The following MDN1 variants were observed in gnomAD, a reference collection of about 807,000 sequenced individuals.
The protein encoded by MDN1 is midasin AAA ATPase 1, also known as midasin.
In MDN1, 266 loss-of-function variants were observed where a neutral mutation model predicts 669.2. The ratio of observed to expected loss-of-function variants is 0.40; its 90% CI spans 0.36 to 0.44. The LOEUF (loss-of-function observed/expected upper bound fraction) is 0.44, where lower values mean the gene tolerates loss of function less well. MDN1 is among the 20% of genes least tolerant of loss of function. The pLI is 1.00. For missense variants in MDN1, 5,940 were observed against 6,754.0 expected, an observed-to-expected ratio of 0.88 and a Z score of 4.22; for synonymous variants, 2,385 against 2,457.1, an observed-to-expected ratio of 0.97 and a Z score of 0.87.
intron 33 of MDN1, among the ~76,000 whole-genome samples, chr6:89,736,796 A>AC (rs1816001990): frequency 6.6e-6 from 1 of 151,984 alleles, no homozygotes; most frequent in Non-Finnish European, 1.5e-5. Flanking sequence ...TCTCCCCACA[A>AC]CCCCCCAGAA....
intron 50 of MDN1, among the ~76,000 whole-genome samples, chr6:89,710,154 G>A (rs546182069): frequency 3.3e-5 from 5 of 152,140 alleles, no homozygotes; most frequent in Admixed American, 6.5e-5. Flanking sequence ...TCCTACTAAC[G>A]ATACTGGTAG....
intron 100 of MDN1, among the ~76,000 whole-genome samples, chr6:89,645,488 A>T (rs182562369): frequency 6.6e-6 from 1 of 152,336 alleles, no homozygotes; most frequent in African/African-American, 2.4e-5. Context: ...GAATTAAAAC[A>T]CTAGTTTATG....
At chr6:89,812,285 AG>A (rs1461868729) in intron 1 of MDN1, among the ~76,000 whole-genome samples, 2 of 151,974 alleles carry the variant, frequency 1.3e-5, no homozygotes, top group Non-Finnish European at 2.9e-5. Context: ...CGCCCAGCCA[AG>A]AAAAAACATT....
rs565832807 is a variant in MDN1 at position 89,662,359 on chromosome 6, T to C, written c.14413-120A>G. 23 of 994,024 alleles carry C rather than the reference T, an allele frequency of 2.3e-5. No individual in the cohort carries two copies. In the East Asian group the frequency reaches 2.6e-4, roughly 11 times the overall value. The allele number at this position is 994,024 out of a possible 1,614,324, so 61.6% of individuals were successfully genotyped here. On this transcript the variant is annotated intron_variant, in intron 86 of 101. Coordinates refer to ENST00000369393, the MANE Select transcript of MDN1 (RefSeq NM_014611.3). ...TTGGACCTATCCCATGGATGGCTGA[T>C]AAAGTGCCATCCGTGACCTAGAGAA...
At chr6:89,729,467 T>G (rs1343866732) in intron 35 of MDN1, among the ~76,000 whole-genome samples, 2 of 152,152 alleles carry the variant, frequency 1.3e-5, no homozygotes, top group Non-Finnish European at 2.9e-5. Context: ...CAATTTACCT[T>G]CATAGTTACT....
Position 89,718,957 on chromosome 6 carries a change from T to G in MDN1, c.6131A>C (p.Gln2044Pro). Residue 2044 changes from glutamine (Q) to proline (P), a missense_variant, in exon 42 of 102, where the codon CAG (glutamine) becomes CCG (proline). Physicochemically the swap from Gln to Pro is moderately conservative, Grantham distance 76. Coordinates refer to ENST00000369393, the MANE Select transcript of MDN1 (RefSeq NM_014611.3). ...PSRHPLLLLHQSFQPLESIMK... is the reference protein window; with the variant it reads ...PSRHPLLLLHPSFQPLESIMK... ...GATTGACTCCAGGGGTTGGAATGACTGGTGCAGGAGCAACAGGGGATGGCG... is the reference window on the plus strand; with the variant it reads ...GATTGACTCCAGGGGTTGGAATGACGGGTGCAGGAGCAACAGGGGATGGCG... 4 of 1,614,140 alleles carry G rather than the reference T, an allele frequency of 2.5e-6. No homozygotes were observed. Among genetic ancestry groups the G allele is most frequent in the Non-Finnish European group, 3.4e-6 (4 of 1,180,008 alleles).
intron 50 of MDN1, among the ~76,000 whole-genome samples, chr6:89,709,664 A>C (rs1813750743): frequency 6.6e-6 from 1 of 152,248 alleles, no homozygotes; most frequent in Admixed American, 6.5e-5. Context: ...CCAAATGGCC[A>C]GTGGTATATT....
At chr6:89,735,567 T>A (rs1815917523) in intron 33 of MDN1, among the ~76,000 whole-genome samples, 2 of 152,048 alleles carry the variant, frequency 1.3e-5, no homozygotes. Flanking sequence ...GGTCATACTG[T>A]GAATATATGG....
At chr6:89,751,656 C>T in intron 22 of MDN1, 74 bp from the exon 23 acceptor site, 1 of 1,481,668 alleles carries the variant, frequency 6.7e-7, no homozygotes, top group East Asian at 2.3e-5. Flanking sequence ...AGTAGGAAAA[C>T]AGCCACTTGT....
At position 89,642,836 on chromosome 6, in the gene MDN1, T is replaced by TAGAA. The variant is rs1021720934; in HGVS notation, c.*1165_*1168dup. The TAGAA allele has an allele frequency of 5.3e-5, 8 of 152,250 alleles. No homozygotes were observed. Among genetic ancestry groups the TAGAA allele is most frequent in the African/African-American group, 1.9e-4 (8 of 41,450 alleles). The allele number at this position is 152,250 out of a possible 1,614,324, so 9.4% of individuals were successfully genotyped here. On this transcript the variant is annotated 3_prime_UTR_variant, in exon 102 of 102. Coordinates refer to ENST00000369393, the MANE Select transcript of MDN1 (RefSeq NM_014611.3). ...TCAGAATATAAGCTGCATAGCTTTT[T>TAGAA]AGAATAAAAAATGATATAACTTCAG... is the stretch of plus-strand genomic sequence containing the variant.
In MDN1 at chr6:89,692,758, G is replaced by C. The variant is rs1359694204; in HGVS notation, c.10272C>G (p.Ser3424Arg). 1.9e-6 allele frequency: 3 copies of C among 1,613,940 alleles called. No individual in the cohort carries two copies. The highest frequency in any genetic ancestry group is 2.5e-6 in the Non-Finnish European group (3 of 1,179,938). Residue 3424 changes from serine (S) to arginine (R), a missense_variant, in exon 63 of 102, where the codon AGC becomes AGG. By Grantham distance (110) the Ser-to-Arg change is moderately radical. This residue lies in a region of MDN1 where 150 missense variants were observed against 234.2 expected (regional missense o/e 0.64). Coordinates refer to ENST00000369393, the MANE Select transcript of MDN1 (RefSeq NM_014611.3). ...CCAGCCTGTCTGCACCAACCATACT[G>C]CTGTGGAGTGAGGTGTGGAGCTCAG... ...VASELHTSLH[S>R]SMVGADRLGT...
intron 85 of MDN1, among the ~76,000 whole-genome samples, chr6:89,663,696 A>G (rs574454908): frequency 1.5e-4 from 23 of 152,226 alleles, no homozygotes; most frequent in African/African-American, 5.5e-4. Flanking sequence ...GCACTTTGGG[A>G]GGCTGAGGTG....
intron 33 of MDN1, among the ~76,000 whole-genome samples, chr6:89,736,419 A>G (rs1562160162): frequency 6.6e-6 from 1 of 152,196 alleles, no homozygotes; most frequent in African/African-American, 2.4e-5. Flanking sequence ...AGCCCATAGG[A>G]GATGAAAAGG....
rs1480790068 is a variant in MDN1, at chr6:89,695,877, G to C, written c.9499C>G (p.Leu3167Val). 1 of 1,613,250 alleles carries C rather than the reference G, an allele frequency of 6.2e-7. No individual in the cohort carries two copies. The highest frequency in any genetic ancestry group is 1.3e-5 in the African/African-American group (1 of 74,944). ...EYMQNCEQLL[L>V]GSSQAFQHVG... Reference sequence around the variant, plus strand: ...TGCTGGAAGGCCTGGCTGCTCCCAAGCAGCAGCTGCTCACAGTTCTGCATG... The same window carrying C: ...TGCTGGAAGGCCTGGCTGCTCCCAACCAGCAGCTGCTCACAGTTCTGCATG... Residue 3167 changes from leucine (L) to valine (V), a missense_variant, in exon 61 of 102, where the codon CTT becomes GTT. Coordinates refer to ENST00000369393, the MANE Select transcript of MDN1 (RefSeq NM_014611.3). This position sits in a 1 kb window ranked among gnomAD's most constrained non-coding sequence, Gnocchi z 4.1.
chr6:89,701,537 A>G, intron 55 of MDN1, 21 bp downstream of exon 55: 1 of 1,610,648 alleles, frequency 6.2e-7, no homozygotes. Context: ...TCTTTTATTT[A>G]CTAAATGCTT....
At chr6:89,729,873 C>T (rs1342142115) in intron 35 of MDN1, among the ~76,000 whole-genome samples, 1 of 151,908 alleles carries the variant, frequency 6.6e-6, no homozygotes, top group African/African-American at 2.4e-5. Context: ...TACAGCCCAT[C>T]AGGGATGAAG....
At chr6:89,775,656 A>G (rs1213503659) in intron 12 of MDN1, among the ~76,000 whole-genome samples, 1 of 152,140 alleles carries the variant, frequency 6.6e-6, no homozygotes, top group Non-Finnish European at 1.5e-5. Flanking sequence ...ATTCACTGCT[A>G]CTACTCTTTG....
At position 89,674,129 on chromosome 6, in the gene MDN1, ACTG is replaced by A. The variant is rs750891659; in HGVS notation, c.13219_13221del (p.Gln4407del). ...CAAGAATGAAAGAGAGTCTCACAAG[ACTG>A]CTGTCTAATTTTGTCGACGTCAGCT... On this transcript the variant is annotated inframe_deletion, in exon 79 of 102. Transcript: ENST00000369393. 6.2e-7 allele frequency: 1 copy of A among 1,614,094 alleles called. No individual in the cohort carries two copies. Among genetic ancestry groups the A allele is most frequent in the Non-Finnish European group, 8.5e-7 (1 of 1,179,992 alleles).
At chr6:89,703,359 T>C in intron 53 of MDN1, among the ~76,000 whole-genome samples, 1 of 123,116 alleles carries the variant, frequency 8.1e-6, no homozygotes, top group East Asian at 2.7e-4. Context: ...TAACTGACCA[T>C]GTATGGGGAA....
Sources: gnomAD v4.1 joint callset for allele counts (sites outside exome capture counted in the v4.1 genomes callset) on GRCh38, gnomAD v4.1.1 for gene constraint, gnomAD v4.1.1 regional missense constraint, Gnocchi (gnomAD v3.1) non-coding constraint, MANE v1.5 for transcripts, NCBI Gene and HGNC (gene_info 2026-07-23, HGNC 2026-07-21) for gene names.